RBMS3: variants seen among roughly 807,000 people sequenced by gnomAD.
RBMS3 encodes the protein RNA binding motif single stranded interacting protein 3, also known as RNA-binding motif, single-stranded-interacting protein 3.
In RBMS3, 27 loss-of-function variants were observed where a neutral mutation model predicts 66.8. The ratio of observed to expected loss-of-function variants is 0.40; its 90% CI spans 0.30 to 0.56. The LOEUF (loss-of-function observed/expected upper bound fraction) is 0.56, where lower values mean the gene tolerates loss of function less well. RBMS3 is among the 20% of genes least tolerant of loss of function. RBMS3 has a pLI of 0.40. For missense variants in RBMS3, 513 were observed against 549.5 expected, an observed-to-expected ratio of 0.93 and a Z score of 0.66; for synonymous variants, 188 against 183.0, an observed-to-expected ratio of 1.03 and a Z score of -0.22.
intron 6 of RBMS3, among the ~76,000 whole-genome samples, chr3:29,764,766 C>T (rs566719651): frequency 6.6e-6 from 1 of 151,962 alleles, no homozygotes; most frequent in Admixed American, 6.6e-5. Context: ...AAAGTCACTA[C>T]AAATCCCCAA....
chr3:29,342,615 C>T (rs1468128815), intron 1 of RBMS3, among the ~76,000 whole-genome samples: 4 of 152,002 alleles, frequency 2.6e-5, no homozygotes, highest in Middle Eastern at 6.9e-3. Flanking sequence ...AGCTATATGC[C>T]GAGGATATTA....
intron 4 of RBMS3, among the ~76,000 whole-genome samples, chr3:29,653,816 G>A (rs11129370): frequency 0.19 from 29,473 of 151,918 alleles, 3,196 homozygotes; most frequent in East Asian, 0.34. Flanking sequence ...TAATTTTGCC[G>A]TGAGTCAAGT....
intron 4 of RBMS3, among the ~76,000 whole-genome samples, chr3:29,735,055 T>G (rs1004610919): frequency 1.3e-5 from 2 of 152,136 alleles, no homozygotes; most frequent in African/African-American, 4.8e-5. Flanking sequence ...TAAAATTGTG[T>G]TCTACTAATA....
At chr3:29,420,271 C>T (rs2040654668) in intron 1 of RBMS3, among the ~76,000 whole-genome samples, 2 of 152,282 alleles carry the variant, frequency 1.3e-5, no homozygotes, top group African/African-American at 2.4e-5. Context: ...TGGTGCCTTC[C>T]GGTCCTAGCA....
intron 10 of RBMS3, among the ~76,000 whole-genome samples, chr3:29,904,997 G>T (rs2060341469): frequency 6.6e-6 from 1 of 151,872 alleles, no homozygotes; most frequent in African/African-American, 2.4e-5. Context: ...TTGTATATTT[G>T]TCATGCAGAT....
intron 4 of RBMS3, among the ~76,000 whole-genome samples, chr3:29,684,442 C>T (rs2051626345): frequency 6.6e-6 from 1 of 152,082 alleles, no homozygotes; most frequent in African/African-American, 2.4e-5. Flanking sequence ...AGAAGTTTTA[C>T]CACATGGCTG....
intron 2 of RBMS3, among the ~76,000 whole-genome samples, chr3:29,451,606 G>A (rs1405969594): frequency 6.6e-6 from 1 of 151,972 alleles, no homozygotes; most frequent in African/African-American, 2.4e-5. Flanking sequence ...AAGTAGATCA[G>A]GATCCTTTAC....
rs965311199 is a variant in RBMS3 at position 29,788,460 on chromosome 3, T to C, written c.637+25471T>C. Among the ~76,000 whole-genome samples the C allele has an allele frequency of 2.0e-5, 3 of 152,026 alleles. No individual in the cohort carries two copies. In the South Asian group the frequency reaches 6.2e-4, roughly 32 times the overall value. ...CAGGATTGTCTGGATCTCCTGACCT[T>C]GTGATCTGCCTGCCTCAGCCTCCCA... On this transcript the variant is annotated intron_variant, in intron 6 of 14. Transcript: ENST00000383767.
chr3:29,819,018 A>G (rs983226783), intron 6 of RBMS3, among the ~76,000 whole-genome samples: 2 of 152,204 alleles, frequency 1.3e-5, no homozygotes, highest in African/African-American at 2.4e-5. Context: ...TTTTAGTAAA[A>G]TTAAGAAAAA....
rs527632693 is a variant in RBMS3, at chr3:29,781,019, G to T, written c.637+18030G>T. Among the ~76,000 whole-genome samples, 7 of 150,862 alleles carry T rather than the reference G, an allele frequency of 4.6e-5. No homozygotes were observed. In the East Asian group the frequency reaches 1.4e-3, roughly 30 times the overall value. ...TAGGGTACATGTGCACAATGTGCAG[G>T]TTTGTTACATATGTATACATGTGCC... On this transcript the variant is annotated intron_variant, in intron 6 of 14. Coordinates refer to ENST00000383767, the MANE Select transcript of RBMS3 (RefSeq NM_001003793.3).
At chr3:29,953,631 A>G (rs1695831826) in intron 12 of RBMS3, among the ~76,000 whole-genome samples, 1 of 151,904 alleles carries the variant, frequency 6.6e-6, no homozygotes, top group South Asian at 2.1e-4. Flanking sequence ...TTCATCACAT[A>G]CATACTATGT....
At chr3:29,413,265 G>A (rs1186497289) in intron 1 of RBMS3, among the ~76,000 whole-genome samples, 1 of 152,100 alleles carries the variant, frequency 6.6e-6, no homozygotes, top group Non-Finnish European at 1.5e-5. Flanking sequence ...AGTTACTCAG[G>A]AGGCTGAGGC....
intron 1 of RBMS3, among the ~76,000 whole-genome samples, chr3:29,374,591 C>T (rs1390708677): frequency 6.6e-6 from 1 of 152,112 alleles, no homozygotes; most frequent in Non-Finnish European, 1.5e-5. Context: ...GATGATTTTG[C>T]CCAACTGTAG....
chr3:29,868,166 C>G (rs1332589970), intron 6 of RBMS3, among the ~76,000 whole-genome samples: 2 of 152,132 alleles, frequency 1.3e-5, no homozygotes, highest in Non-Finnish European at 2.9e-5. Context: ...GTCACTTTCT[C>G]TTGGGAAATA....
chr3:29,725,033 T>C (rs892211868), intron 4 of RBMS3, among the ~76,000 whole-genome samples: 1 of 152,108 alleles, frequency 6.6e-6, no homozygotes, highest in African/African-American at 2.4e-5. Context: ...AAAAAATAAG[T>C]GGATGATCCA....
chr3:29,801,272 C>CTTCTTTTCTTT lies in RBMS3; in HGVS notation c.637+38285_637+38286insCTTTTCTTTTT, dbSNP rs1553672566. Among the ~76,000 whole-genome samples, 4 of 129,478 alleles carry CTTCTTTTCTTT rather than the reference C, an allele frequency of 3.1e-5. 1 individual carries two copies. Among genetic ancestry groups the CTTCTTTTCTTT allele is most frequent in the African/African-American group, 1.2e-4 (4 of 33,268 alleles). The allele number at this position is 129,478 out of a possible 152,430, so 84.9% of individuals were successfully genotyped here. ...AACTTGAAGAATCATTGCTTTTTTT[C>CTTCTTTTCTTT]TTTTTTTTTTTTTGAGACAAAGTCT... On this transcript the variant is annotated intron_variant, in intron 6 of 14. Coordinates refer to ENST00000383767, the MANE Select transcript of RBMS3 (RefSeq NM_001003793.3).
intron 6 of RBMS3, among the ~76,000 whole-genome samples, chr3:29,839,898 G>T (rs2058620984): frequency 6.6e-6 from 1 of 151,812 alleles, no homozygotes; most frequent in Non-Finnish European, 1.5e-5. Context: ...TATCTTCAAA[G>T]ATTTTCAATA....
At chr3:29,419,961 C>A (rs1164024899) in intron 1 of RBMS3, among the ~76,000 whole-genome samples, 1 of 152,164 alleles carries the variant, frequency 6.6e-6, no homozygotes, top group African/African-American at 2.4e-5. Context: ...GATGCTGTCT[C>A]AATTTAGCTT....
chr3:29,807,431 A>C (rs1455996030), intron 6 of RBMS3, among the ~76,000 whole-genome samples: 2 of 152,090 alleles, frequency 1.3e-5, no homozygotes, highest in Non-Finnish European at 2.9e-5. Context: ...ATTAAAATTT[A>C]AAATATGCAT....
Sources: allele counts gnomAD v4.1 joint callset (sites outside exome capture counted in the v4.1 genomes callset), GRCh38; gene constraint gnomAD v4.1.1; transcripts MANE v1.5; gene names NCBI Gene and HGNC (gene_info 2026-07-23, HGNC 2026-07-21).